Variants in STRN observed in about 807,000 individuals in gnomAD.
The protein encoded by STRN is striatin.
Under a neutral mutation model 96.3 loss-of-function variants are expected in STRN, and 53 were observed. The ratio of observed to expected loss-of-function variants is 0.55; its 90% CI spans 0.44 to 0.69. STRN has a LOEUF of 0.69. Ranked by LOEUF, STRN falls within the 30% of genes least tolerant of loss-of-function variation. The pLI, the probability that STRN is intolerant of heterozygous loss-of-function variation, is 0.00. For synonymous variants in STRN, 428 were observed against 355.9 expected (o/e 1.20, Z -2.28); for missense variants, 987 against 963.9 (o/e 1.02, Z -0.32).
rs1307772730 is a variant in STRN at position 36,838,934 on chromosome 2, GTA to G, written c.*10520_*10521del. Among the ~76,000 whole-genome samples the G allele has an allele frequency of 5.9e-5, 9 of 152,162 alleles. No homozygotes were observed. Among genetic ancestry groups the G allele is most frequent in the Non-Finnish European group, 1.2e-4 (8 of 68,038 alleles). The stretch of plus-strand genomic sequence containing the variant: ...AATATCTTCTCATTAACGTTAGACT[GTA>G]TATGTTTACTGATAAATTTGAGAGA... On this transcript the variant is annotated 3_prime_UTR_variant, in exon 18 of 18. Coordinates refer to ENST00000263918, the MANE Select transcript of STRN (RefSeq NM_003162.4).
chr2:36,926,716 T>C (rs1179912045), intron 1 of STRN, among the ~76,000 whole-genome samples: 1 of 152,184 alleles, frequency 6.6e-6, no homozygotes, highest in Non-Finnish European at 1.5e-5. Context: ...TACATTACAA[T>C]TAAAGGAAGG....
chr2:36,878,230 A>T (rs1668968541), intron 9 of STRN, among the ~76,000 whole-genome samples: 1 of 152,238 alleles, frequency 6.6e-6, no homozygotes, highest in South Asian at 2.1e-4. Context: ...AAAGGCATCA[A>T]CTAATTAGAA....
intron 11 of STRN, among the ~76,000 whole-genome samples, chr2:36,868,872 C>CTTTTTTTT (rs201441254): frequency 7.6e-6 from 1 of 131,956 alleles, no homozygotes. Flanking sequence ...GATGCTGGTT[C>CTTTTTTTT]TTTTTTTTTT....
chr2:36,937,254 G>A (rs1280856640), intron 1 of STRN, among the ~76,000 whole-genome samples: 1 of 150,210 alleles, frequency 6.7e-6, no homozygotes, highest in African/African-American at 2.5e-5. Context: ...TGAGGCAGGA[G>A]AATCGCATGA....
intron 1 of STRN, among the ~76,000 whole-genome samples, chr2:36,945,099 T>C (rs1177505701): frequency 6.6e-6 from 1 of 152,014 alleles, no homozygotes; most frequent in African/African-American, 2.4e-5. Context: ...TTAATATACA[T>C]AAAACATCAC....
rs1343471512 is a variant in STRN at position 36,844,731 on chromosome 2, C to T, written c.*4725G>A. The T allele has an allele frequency of 6.6e-6, 1 of 152,036 alleles. No homozygotes were observed. 9.4% of individuals were successfully genotyped at this position (152,036 alleles called of 1,614,324 possible). On this transcript the variant is annotated 3_prime_UTR_variant, in exon 18 of 18. Transcript: ENST00000263918. ...TGAAAGGATCTGTTAAATACTTTGTCAACCTGGCATCCCTGACACTGACAT... is the reference window on the plus strand; with the variant it reads ...TGAAAGGATCTGTTAAATACTTTGTTAACCTGGCATCCCTGACACTGACAT...
intron 1 of STRN, among the ~76,000 whole-genome samples, chr2:36,949,349 T>C (rs528988832): frequency 4.6e-5 from 7 of 152,288 alleles, no homozygotes; most frequent in Middle Eastern, 3.4e-3. Context: ...CTCTAATATG[T>C]AGGAAATATA....
At chr2:36,943,856 C>T (rs543238666) in intron 1 of STRN, among the ~76,000 whole-genome samples, 1 of 152,216 alleles carries the variant, frequency 6.6e-6, no homozygotes, top group East Asian at 1.9e-4. Context: ...GTGGCTCACA[C>T]CTATAATCCT....
At chr2:36,850,063 C>T (rs1668182458) in intron 16 of STRN, among the ~76,000 whole-genome samples, 1 of 152,218 alleles carries the variant, frequency 6.6e-6, no homozygotes, top group Non-Finnish European at 1.5e-5. Flanking sequence ...CTACACGCAA[C>T]CCTTAAGCCA....
chr2:36,843,993 G>C lies in STRN; in HGVS notation c.*5463C>G, dbSNP rs1305837666. The C allele has an allele frequency of 6.6e-6, 1 of 152,106 alleles. No individual in the cohort carries two copies. Among genetic ancestry groups the C allele is most frequent in the African/African-American group, 2.4e-5 (1 of 41,406 alleles). 9.4% of individuals were successfully genotyped at this position (152,106 alleles called of 1,614,324 possible). A position where few individuals can be genotyped will look rare whatever the true frequency, so the allele number is the denominator to read the frequency against. The stretch of plus-strand genomic sequence containing the variant: ...CCTGAAGATCAAACAATCTGGCCCA[G>C]GGCTCACCAGCTGGAGGACTGGGTG... On this transcript the variant is annotated 3_prime_UTR_variant, in exon 18 of 18. Transcript: ENST00000263918.
At chr2:36,965,151 A>G (rs1665128028) in intron 1 of STRN, among the ~76,000 whole-genome samples, 2 of 152,232 alleles carry the variant, frequency 1.3e-5, no homozygotes, top group Non-Finnish European at 2.9e-5. Context: ...TACCAAAAAA[A>G]GTGACACACT....
rs953026475 is a variant in STRN, at chr2:36,841,367, C to G, written c.*8089G>C. ...GACATTTACCACATAAGAAAGCATTCTTACATAGCAGTTGAGTACTGGGAA... is the reference window on the plus strand; with the variant it reads ...GACATTTACCACATAAGAAAGCATTGTTACATAGCAGTTGAGTACTGGGAA... On this transcript the variant is annotated 3_prime_UTR_variant, in exon 18 of 18. Transcript: ENST00000263918. 3 of 152,016 alleles carry G rather than the reference C, an allele frequency of 2.0e-5. No individual in the cohort carries two copies. The allele number at this position is 152,016 out of a possible 1,614,324, so 9.4% of individuals were successfully genotyped here. A position where few individuals can be genotyped will look rare whatever the true frequency, so the allele number is the denominator to read the frequency against.
At chr2:36,937,453 G>A (rs1303241323) in intron 1 of STRN, among the ~76,000 whole-genome samples, 1 of 152,042 alleles carries the variant, frequency 6.6e-6, no homozygotes. Context: ...AAGATGGCTT[G>A]AGACCAGGAG....
At chr2:36,899,267 C>T (rs1354378417) in intron 6 of STRN, among the ~76,000 whole-genome samples, 1 of 152,166 alleles carries the variant, frequency 6.6e-6, no homozygotes, top group Admixed American at 6.5e-5. Flanking sequence ...TTACTATATT[C>T]ATCTGCCCCA....
intron 12 of STRN, among the ~76,000 whole-genome samples, chr2:36,867,078 T>C (rs1668647402): frequency 6.6e-6 from 1 of 152,250 alleles, no homozygotes. Context: ...TGTTGTTAGC[T>C]GGTTATTACA....
chr2:36,966,218 G>T lies in STRN; in HGVS notation c.234+12C>A. 1 of 1,552,610 alleles carries T rather than the reference G, an allele frequency of 6.4e-7. No individual in the cohort carries two copies. Among genetic ancestry groups the T allele is most frequent in the Non-Finnish European group, 8.7e-7 (1 of 1,151,140 alleles). On this transcript the variant is annotated intron_variant, in intron 1 of 17. Coordinates refer to ENST00000263918, the MANE Select transcript of STRN (RefSeq NM_003162.4). ...GGCGGGATGAAGACGGCCAGGCCGG[G>T]AGGGTCTTTACCTGCAGCTCCGCCC...
chr2:36,941,015 T>C (rs1226764872), intron 1 of STRN, among the ~76,000 whole-genome samples: 1 of 151,934 alleles, frequency 6.6e-6, no homozygotes, highest in African/African-American at 2.4e-5. Flanking sequence ...TAGCTGAACA[T>C]GGTGGCACAT....
At chr2:36,875,651 T>A (rs1668885162) in intron 10 of STRN, among the ~76,000 whole-genome samples, 1 of 128,718 alleles carries the variant, frequency 7.8e-6, no homozygotes, top group Non-Finnish European at 1.6e-5. Flanking sequence ...ACATTGGAAA[T>A]AGAAATGATT....
rs571357793 is a variant in STRN at position 36,951,041 on chromosome 2, A to C, written c.234+15189T>G. 7.2e-5 allele frequency among the ~76,000 whole-genome samples: 11 copies of C among 152,344 alleles called. No homozygotes were observed. In the South Asian group the frequency reaches 2.1e-3, roughly 29 times the overall value. On this transcript the variant is annotated intron_variant, in intron 1 of 17. Transcript: ENST00000263918. ...AAGTAATGATAACTAGATATTTAAA[A>C]TAAGATTTATCTACAAGAAAAAATA...
Sources: allele counts gnomAD v4.1 joint callset (sites outside exome capture counted in the v4.1 genomes callset), GRCh38; gene constraint gnomAD v4.1.1; transcripts MANE v1.5; gene names NCBI Gene and HGNC (gene_info 2026-07-23, HGNC 2026-07-21).